TENM2: variants seen among roughly 807,000 people sequenced by gnomAD.
The protein encoded by TENM2 is teneurin transmembrane protein 2, also known as teneurin-2.
TENM2 carries 52 observed loss-of-function variants against 245.2 expected under a neutral mutation model. That is an observed-to-expected ratio of 0.21 (90% confidence interval 0.17 to 0.27). TENM2 has a LOEUF of 0.27. TENM2 is among the 10% of genes least tolerant of loss of function. The pLI is 1.00. For missense variants in TENM2, 3,046 were observed against 3,666.8 expected (o/e 0.83, Z 4.37); for synonymous variants, 1,363 against 1,438.9 (o/e 0.95, Z 1.19).
chr5:167,073,973 A>C, the TENM2 span, among the ~76,000 whole-genome samples: 1 of 152,130 alleles, frequency 6.6e-6, no homozygotes, highest in African/African-American at 2.4e-5. Context: ...GTTCTTTCTT[A>C]AGACACCTAC....
intron 1 of TENM2, among the ~76,000 whole-genome samples, chr5:167,297,904 A>G (rs2127730306): frequency 6.6e-6 from 1 of 152,252 alleles, no homozygotes; most frequent in South Asian, 2.1e-4. Context: ...AGATAATGTC[A>G]TCAGTTAAGG....
the TENM2 span, among the ~76,000 whole-genome samples, chr5:167,037,646 G>T: frequency 6.6e-6 from 1 of 152,102 alleles, no homozygotes; most frequent in African/African-American, 2.4e-5. Context: ...CTTGCAGAAG[G>T]AGTGCCTGGA....
At chr5:167,405,209 T>C (rs1762566735) in intron 2 of TENM2, among the ~76,000 whole-genome samples, 1 of 152,150 alleles carries the variant, frequency 6.6e-6, no homozygotes, top group Non-Finnish European at 1.5e-5. Context: ...TTTGTGTTGT[T>C]TTCCTTATGG....
At chr5:168,084,846 C>T (rs1002449806) in intron 7 of TENM2, among the ~76,000 whole-genome samples, 4 of 152,230 alleles carry the variant, frequency 2.6e-5, no homozygotes, top group African/African-American at 7.2e-5. Context: ...GTCTCCCTGT[C>T]CTCAGGCCAG....
chr5:167,863,488 C>A (rs948172620), intron 2 of TENM2, among the ~76,000 whole-genome samples: 123 of 148,300 alleles, frequency 8.3e-4, no homozygotes, highest in African/African-American at 3.1e-3. Context: ...CACACACACA[C>A]ACAAAATTAG....
chr5:168,022,989 T>C (rs1249724162), intron 5 of TENM2, among the ~76,000 whole-genome samples: 1 of 152,156 alleles, frequency 6.6e-6, no homozygotes, highest in African/African-American at 2.4e-5. Flanking sequence ...CACTCCCCTG[T>C]CGTTCTCTAA....
chr5:167,182,424 A>G, the TENM2 span, among the ~76,000 whole-genome samples: 1 of 152,184 alleles, frequency 6.6e-6, no homozygotes, highest in Non-Finnish European at 1.5e-5. Context: ...AATTTGGAAC[A>G]TCATTCTGAG....
intron 2 of TENM2, among the ~76,000 whole-genome samples, chr5:167,668,660 T>C (rs1755730437): frequency 6.6e-6 from 1 of 152,140 alleles, no homozygotes; most frequent in South Asian, 2.1e-4. Context: ...AAATTTCTGA[T>C]AGTAAAGGCT....
intron 3 of TENM2, among the ~76,000 whole-genome samples, chr5:167,890,883 A>G (rs1003617236): frequency 6.6e-6 from 1 of 152,158 alleles, no homozygotes. Flanking sequence ...AGGAAACACT[A>G]TCATGTGTAT....
the TENM2 span, among the ~76,000 whole-genome samples, chr5:167,129,406 C>T: frequency 6.6e-6 from 1 of 152,116 alleles, no homozygotes; most frequent in Non-Finnish European, 1.5e-5. Context: ...GCCACCATAG[C>T]TTAAGCAAGG....
chr5:167,390,001 T>C (rs1416419516), intron 2 of TENM2, among the ~76,000 whole-genome samples: 1 of 151,944 alleles, frequency 6.6e-6, no homozygotes, highest in Non-Finnish European at 1.5e-5. Context: ...CTTTTTACAA[T>C]GTCTACAGTG....
intron 2 of TENM2, among the ~76,000 whole-genome samples, chr5:167,739,082 C>A (rs1019752333): frequency 1.3e-5 from 2 of 152,114 alleles, no homozygotes; most frequent in African/African-American, 4.8e-5. Context: ...TACATTAAAA[C>A]GAGTTAAAGT....
chr5:167,919,959 C>A (rs990907730), intron 3 of TENM2, among the ~76,000 whole-genome samples: 4 of 152,000 alleles, frequency 2.6e-5, no homozygotes, highest in Non-Finnish European at 5.9e-5. Context: ...CGAGAAAAGG[C>A]AAGTGTGGTA....
chr5:167,896,684 G>A (rs1343359500), intron 3 of TENM2, among the ~76,000 whole-genome samples: 1 of 152,130 alleles, frequency 6.6e-6, no homozygotes, highest in Non-Finnish European at 1.5e-5. Flanking sequence ...CAGCAAAGAG[G>A]GAAAGGTCAC....
chr5:168,104,171 C>A (rs900489080), intron 9 of TENM2, among the ~76,000 whole-genome samples: 1 of 151,958 alleles, frequency 6.6e-6, no homozygotes, highest in Non-Finnish European at 1.5e-5. Flanking sequence ...CTGGGATTAC[C>A]AGTGCATACC....
chr5:167,243,230 A>G, the TENM2 span, among the ~76,000 whole-genome samples: 1 of 152,078 alleles, frequency 6.6e-6, no homozygotes, highest in African/African-American at 2.4e-5. Context: ...AGGTAGTTAA[A>G]TTTCTGGGAA....
intron 2 of TENM2, among the ~76,000 whole-genome samples, chr5:167,577,398 A>G (rs1485319037): frequency 6.6e-6 from 1 of 152,110 alleles, no homozygotes; most frequent in Non-Finnish European, 1.5e-5. Context: ...CCTCTTTGTC[A>G]GTTTTCCTTC....
intron 3 of TENM2, among the ~76,000 whole-genome samples, chr5:167,929,714 T>C (rs921784019): frequency 7.9e-5 from 12 of 152,192 alleles, no homozygotes; most frequent in African/African-American, 2.9e-4. Flanking sequence ...CCTGAAGGAC[T>C]CTAAGAGATG....
At chr5:167,845,268 C>T (rs1561847321) in intron 2 of TENM2, among the ~76,000 whole-genome samples, 2 of 141,298 alleles carry the variant, frequency 1.4e-5, no homozygotes, top group Non-Finnish European at 1.5e-5. Context: ...CACACACACA[C>T]ACACACACAC....
Sources: allele counts gnomAD v4.1 joint callset (sites outside exome capture counted in the v4.1 genomes callset), GRCh38; gene constraint gnomAD v4.1.1; transcripts MANE v1.5; gene names NCBI Gene and HGNC (gene_info 2026-07-23, HGNC 2026-07-21).